FIGN: variants seen among roughly 807,000 people sequenced by gnomAD.
FIGN encodes fidgetin.
FIGN carries 11 observed loss-of-function variants against 51.3 expected under a neutral mutation model. That is an observed-to-expected ratio of 0.21 (90% CI 0.13 to 0.35). The LOEUF (loss-of-function observed/expected upper bound fraction) is 0.35, where lower values mean the gene tolerates loss of function less well. FIGN is among the 10% of genes least tolerant of loss of function. The pLI is 1.00. For synonymous variants in FIGN, 407 were observed against 363.2 expected, an observed-to-expected ratio of 1.12 and a Z score of -1.37; for missense variants, 857 against 943.6, an observed-to-expected ratio of 0.91 and a Z score of 1.20.
At position 163,610,530 on chromosome 2, in the gene FIGN, G is replaced by A. The variant is rs1201164096; in HGVS notation, c.1302C>T (p.His434=). 1 of 1,614,074 alleles carries A rather than the reference G, an allele frequency of 6.2e-7. No individual in the cohort carries two copies. Among genetic ancestry groups the A allele is most frequent in the African/African-American group, 1.3e-5 (1 of 74,918 alleles). ...SPVMSEHGDE[H]RQLLSHPMQG... ...GCATTGGGTGAGAGAGGAGCTGCCT[G>A]TGCTCGTCCCCATGCTCACTCATTA... The change falls in exon 3 of 3, where the codon CAC becomes CAT. Residue 434 remains histidine (H), a synonymous_variant. Transcript: ENST00000333129.
At chr2:163,642,308 A>C (rs1170978728) in intron 2 of FIGN, among the ~76,000 whole-genome samples, 1 of 152,234 alleles carries the variant, frequency 6.6e-6, no homozygotes, top group East Asian at 1.9e-4. Context: ...AAAAGCTTTC[A>C]GAAATACCTG....
intron 2 of FIGN, among the ~76,000 whole-genome samples, chr2:163,645,776 C>A (rs1413179985): frequency 6.6e-6 from 1 of 152,132 alleles, no homozygotes; most frequent in East Asian, 1.9e-4. Context: ...CTGAGTCATA[C>A]CGAAAAGGCA....
chr2:163,647,170 TC>T (rs1471147245), intron 2 of FIGN, among the ~76,000 whole-genome samples: 1 of 152,210 alleles, frequency 6.6e-6, no homozygotes, highest in African/African-American at 2.4e-5. Flanking sequence ...AGAGAAGGCC[TC>T]CTTCCAAAAT....
chr2:163,651,664 AT>A (rs1165964027), intron 2 of FIGN, among the ~76,000 whole-genome samples: 5 of 152,178 alleles, frequency 3.3e-5, no homozygotes, highest in African/African-American at 4.8e-5. Flanking sequence ...ATTAAAGCAA[AT>A]TCATATTGTT....
chr2:163,681,625 T>C (rs771914159), intron 2 of FIGN, among the ~76,000 whole-genome samples: 1 of 152,148 alleles, frequency 6.6e-6, no homozygotes, highest in Non-Finnish European at 1.5e-5. Flanking sequence ...CCTGGCACGA[T>C]TTTGAAGCAC....
At chr2:163,652,311 A>G (rs560757096) in intron 2 of FIGN, among the ~76,000 whole-genome samples, 1 of 151,774 alleles carries the variant, frequency 6.6e-6, no homozygotes, top group East Asian at 1.9e-4. Flanking sequence ...ATTCCATAAG[A>G]GAGGAAGATG....
At chr2:163,735,687 A>G (rs1685004129) in intron 1 of FIGN, among the ~76,000 whole-genome samples, 151 bp downstream of exon 1, 1 of 152,244 alleles carries the variant, frequency 6.6e-6, no homozygotes, top group South Asian at 2.1e-4. Flanking sequence ...AGGTTGGCGT[A>G]CAGAATAGAA....
At chr2:163,676,443 A>ATC (rs1260529646) in intron 2 of FIGN, among the ~76,000 whole-genome samples, 4 of 45,626 alleles carry the variant, frequency 8.8e-5, no homozygotes, top group Non-Finnish European at 1.2e-4. Context: ...GAATATATAT[A>ATC]TATATATATA....
At position 163,658,919 on chromosome 2, in the gene FIGN, T is replaced by C. The variant is rs540501163; in HGVS notation, c.26-47113A>G. On this transcript the variant is annotated intron_variant, in intron 2 of 2. Coordinates refer to ENST00000333129, the MANE Select transcript of FIGN (RefSeq NM_018086.4). ...TCAGTTCTTTCACCCCTAAATTCCA[T>C]TATGCTGTGAGTGTTCTTGAACCTT... 1.8e-4 allele frequency among the ~76,000 whole-genome samples: 27 copies of C among 152,266 alleles called. 2 individuals are homozygous for C. The South Asian group carries it at 5.2e-3, about 29-fold the overall frequency.
At chr2:163,627,645 T>C (rs928605741) in intron 2 of FIGN, among the ~76,000 whole-genome samples, 6 of 152,110 alleles carry the variant, frequency 3.9e-5, no homozygotes, top group Non-Finnish European at 8.8e-5. Flanking sequence ...CTTCACACTG[T>C]GAAGGACCTA....
In FIGN at chr2:163,605,884, G is replaced by A. The variant is rs1691100165; in HGVS notation, c.*3668C>T. 1 of 146,928 alleles carries A rather than the reference G, an allele frequency of 6.8e-6. No homozygotes were observed. Among genetic ancestry groups the A allele is most frequent in the African/African-American group, 2.5e-5 (1 of 39,626 alleles). The allele number at this position is 146,928 out of a possible 1,614,324, so 9.1% of individuals were successfully genotyped here. ...TTTAAATTTACAAAGACCTATTATAGGAACTAATTTGGATTTTTTTTTTTT... is the reference window on the plus strand; with the variant it reads ...TTTAAATTTACAAAGACCTATTATAAGAACTAATTTGGATTTTTTTTTTTT... On this transcript the variant is annotated 3_prime_UTR_variant, in exon 3 of 3. Transcript: ENST00000333129.
intron 2 of FIGN, among the ~76,000 whole-genome samples, chr2:163,725,319 T>C (rs1684822866): frequency 6.6e-6 from 1 of 151,806 alleles, no homozygotes; most frequent in South Asian, 2.1e-4. Context: ...GCTAGGTAGG[T>C]AGGAAGATGG....
At chr2:163,666,901 T>TA (rs59881550) in intron 2 of FIGN, among the ~76,000 whole-genome samples, 45,361 of 145,048 alleles carry the variant, frequency 0.31, 8,321 homozygotes, top group African/African-American at 0.54. Context: ...CCAAATTCAC[T>TA]AAAAAAAAAA....
At chr2:163,685,727 A>G (rs938979416) in intron 2 of FIGN, among the ~76,000 whole-genome samples, 1 of 152,234 alleles carries the variant, frequency 6.6e-6, no homozygotes, top group African/African-American at 2.4e-5. Flanking sequence ...CTCATCAAAT[A>G]GTTTTTCCTA....
At position 163,630,621 on chromosome 2, in the gene FIGN, T is replaced by C. The variant is rs186189090; in HGVS notation, c.26-18815A>G. ...ACAAGAAAGAGCCACCCTTGAAACA[T>C]AGGCCTAACTGACAACTGCATTCCC... On this transcript the variant is annotated intron_variant, in intron 2 of 2. Transcript: ENST00000333129. Among the ~76,000 whole-genome samples the C allele has an allele frequency of 1.7e-4, 25 of 142,992 alleles. No individual in the cohort carries two copies. In the East Asian group the frequency reaches 4.7e-3, roughly 27 times the overall value. The allele number at this position is 142,992 out of a possible 152,430, so 93.8% of individuals were successfully genotyped here.
chr2:163,620,688 C>T (rs1261587489), intron 2 of FIGN, among the ~76,000 whole-genome samples: 1 of 152,078 alleles, frequency 6.6e-6, no homozygotes, highest in African/African-American at 2.4e-5. Context: ...CCAGTTGATT[C>T]TCAAAATACT....
chr2:163,707,100 T>C (rs1425919812), intron 2 of FIGN, among the ~76,000 whole-genome samples: 1 of 152,112 alleles, frequency 6.6e-6, no homozygotes, highest in Non-Finnish European at 1.5e-5. Flanking sequence ...TTTCAAAACA[T>C]TCAGGAAGAA....
chr2:163,673,117 C>G (rs190321477), intron 2 of FIGN, among the ~76,000 whole-genome samples: 37 of 152,132 alleles, frequency 2.4e-4, no homozygotes, highest in Admixed American at 2.6e-4. Context: ...AAAGACATCC[C>G]TTATTTAGAA....
At chr2:163,620,214 A>G (rs1357189485) in intron 2 of FIGN, among the ~76,000 whole-genome samples, 4 of 152,178 alleles carry the variant, frequency 2.6e-5, no homozygotes, top group Non-Finnish European at 4.4e-5. Flanking sequence ...GACAATTTAT[A>G]ATCAGTTTAA....
Sources: allele counts gnomAD v4.1 joint callset (sites outside exome capture counted in the v4.1 genomes callset), GRCh38; gene constraint gnomAD v4.1.1; transcripts MANE v1.5; gene names NCBI Gene and HGNC (gene_info 2026-07-23, HGNC 2026-07-21).